Variants in PREPL observed in about 807,000 individuals in gnomAD.
The protein encoded by PREPL is prolyl endopeptidase like.
PREPL carries 77 observed loss-of-function variants against 70.6 expected under a neutral mutation model. That is an observed-to-expected ratio of 1.09 (90% confidence interval 0.91 to 1.32). The LOEUF (loss-of-function observed/expected upper bound fraction) is 1.32, where lower values mean the gene tolerates loss of function less well. PREPL is among the 40% of genes most tolerant of loss of function. PREPL has a pLI of 0.00. For missense variants in PREPL, 1,002 were observed against 778.2 expected (o/e 1.29, Z -3.42); for synonymous variants, 315 against 264.8 (o/e 1.19, Z -1.84).
In PREPL at chr2:44,326,708, T is replaced by G; in HGVS notation, c.1479+4A>C. 6.2e-7 allele frequency: 1 copy of G among 1,610,568 alleles called. No individual in the cohort carries two copies. The highest frequency in any genetic ancestry group is 8.5e-7 in the Non-Finnish European group (1 of 1,177,354). On this transcript the variant is annotated splice_donor_region_variant and intron_variant, in intron 10 of 13. Coordinates refer to ENST00000409411, the MANE Select transcript of PREPL (RefSeq NM_001171613.2). ...TATAAACAGTAGAGACAGAGCGTACTCACCTCCAAAGTCACCGCTCTCACC... is the reference window on the plus strand; with the variant it reads ...TATAAACAGTAGAGACAGAGCGTACGCACCTCCAAAGTCACCGCTCTCACC...
At chr2:44,358,965 A>C (rs1677350997) in intron 1 of PREPL, among the ~76,000 whole-genome samples, 2 of 152,192 alleles carry the variant, frequency 1.3e-5, no homozygotes, top group South Asian at 4.1e-4. Flanking sequence ...TTATACTTTG[A>C]AATGCACTGG....
chr2:44,321,351 G>T lies in PREPL; in HGVS notation c.*5C>A. 6.3e-7 allele frequency: 1 copy of T among 1,593,804 alleles called. No homozygotes were observed. Among genetic ancestry groups the T allele is most frequent in the South Asian group, 1.1e-5 (1 of 90,360 alleles). ...TGTTTCCAATTCCCAGTTGAATGCA[G>T]TGTTTCAGAATTTCAGGTATTTCTT... On this transcript the variant is annotated 3_prime_UTR_variant, in exon 14 of 14. Coordinates refer to ENST00000409411, the MANE Select transcript of PREPL (RefSeq NM_001171613.2).
At chr2:44,334,404 A>G (rs1382245953) in intron 7 of PREPL, among the ~76,000 whole-genome samples, 1 of 152,224 alleles carries the variant, frequency 6.6e-6, no homozygotes, top group Non-Finnish European at 1.5e-5. Context: ...CATACAGCAA[A>G]AAACGTCCCA....
At chr2:44,332,845 T>A (rs973966165) in intron 7 of PREPL, among the ~76,000 whole-genome samples, 189 bp from the exon 8 acceptor site, 2 of 152,204 alleles carry the variant, frequency 1.3e-5, no homozygotes, top group Non-Finnish European at 2.9e-5. Context: ...AACTGTACAT[T>A]AATGACCAAT....
intron 12 of PREPL, 125 bp downstream of exon 12, chr2:44,322,606 A>C (rs1673086231): frequency 2.9e-5 from 38 of 1,306,458 alleles, no homozygotes; most frequent in Non-Finnish European, 3.8e-5. Flanking sequence ...AACATAGCAA[A>C]ATAATTGTTT....
chr2:44,341,124 C>T (rs1675176710), intron 5 of PREPL, among the ~76,000 whole-genome samples: 1 of 152,060 alleles, frequency 6.6e-6, no homozygotes, highest in African/African-American at 2.4e-5. Context: ...AATATTCCAA[C>T]CAAGCTGACT....
chr2:44,319,953 T>C lies in PREPL; in HGVS notation c.*1403A>G, dbSNP rs558017646. 3 of 483,670 alleles carry C rather than the reference T, an allele frequency of 6.2e-6. No homozygotes were observed. The highest frequency in any genetic ancestry group is 3.9e-5 in the African/African-American group (2 of 51,410). The allele number at this position is 483,670 out of a possible 1,614,324, so 30.0% of individuals were successfully genotyped here. A position where few individuals can be genotyped will look rare whatever the true frequency, so the allele number is the denominator to read the frequency against. On this transcript the variant is annotated 3_prime_UTR_variant, in exon 14 of 14. Transcript: ENST00000409411. Reference sequence around the variant, plus strand: ...TCAAATTTGATCTCTACAGAAACTCTACAATGTAGCAGAGCACTGTGCGTA... The same window carrying C: ...TCAAATTTGATCTCTACAGAAACTCCACAATGTAGCAGAGCACTGTGCGTA...
In PREPL at chr2:44,346,488, G is replaced by C. The variant is rs571533584; in HGVS notation, c.-48-98C>G. ...AGGTCTATACCGTAGACTTAACGTT[G>C]TACAAAAAAGAAATAAGATTAAATA... On this transcript the variant is annotated intron_variant, in intron 1 of 13. Coordinates refer to ENST00000409411, the MANE Select transcript of PREPL (RefSeq NM_001171613.2). 4.7e-5 allele frequency: 48 copies of C among 1,031,808 alleles called. No individual in the cohort carries two copies. In the East Asian group the frequency reaches 1.1e-3, roughly 23 times the overall value. The allele number at this position is 1,031,808 out of a possible 1,614,324, so 63.9% of individuals were successfully genotyped here.
In PREPL at chr2:44,343,876, C is replaced by G. The variant is rs201342099; in HGVS notation, c.218G>C (p.Arg73Thr). Residue 73 changes from arginine (R) to threonine (T), a missense_variant, in exon 4 of 14, where the codon AGA (arginine) becomes ACA (threonine). Physicochemically the swap from Arg to Thr is moderately conservative, Grantham distance 71. Transcript: ENST00000409411. ...CACATATTTTTCATCTGGAGCAACT[C>G]TGATACAATCAATGAAGGGCTGGTC... is the stretch of plus-strand genomic sequence containing the variant. Reference protein sequence around the residue: ...KLDQPFIDCIRVAPDEKYVAA... With the variant: ...KLDQPFIDCITVAPDEKYVAA... 8 of 1,614,050 alleles carry G rather than the reference C, an allele frequency of 5.0e-6. No homozygotes were observed. The East Asian group carries it at 8.9e-5, about 18-fold the overall frequency.
chr2:44,320,165 A>G lies in PREPL; in HGVS notation c.*1191T>C. The G allele has an allele frequency of 6.5e-7, 1 of 1,527,476 alleles. No individual in the cohort carries two copies. The highest frequency in any genetic ancestry group is 1.1e-5 in the South Asian group (1 of 87,804). 94.6% of individuals were successfully genotyped at this position (1,527,476 alleles called of 1,614,324 possible). ...ATACTTACAAACAATTCTTAGAATC[A>G]AACACTTACGTAAATACTTTTTTAA... is the stretch of plus-strand genomic sequence containing the variant. On this transcript the variant is annotated 3_prime_UTR_variant, in exon 14 of 14. Coordinates refer to ENST00000409411, the MANE Select transcript of PREPL (RefSeq NM_001171613.2).
At position 44,332,567 on chromosome 2, in the gene PREPL, TG is replaced by T; in HGVS notation, c.977del (p.Pro326GlnfsTer32). 6.2e-7 allele frequency: 1 copy of T among 1,613,892 alleles called. No homozygotes were observed. Among genetic ancestry groups the T allele is most frequent in the Non-Finnish European group, 8.5e-7 (1 of 1,179,748 alleles). ...CTGCAAACTTGTATGTGTAATATTT[TG>T]GGGGACGTATTGGAGAGCAAAGTTG... ...PFQLCSPIRP[P>X]KYYTYKFAEG... On this transcript the variant is annotated frameshift_variant, in exon 8 of 14. Transcript: ENST00000409411. LOFTEE classifies it high-confidence loss of function.
intron 1 of PREPL, among the ~76,000 whole-genome samples, chr2:44,354,787 G>A (rs1348932339): frequency 6.6e-6 from 1 of 152,190 alleles, no homozygotes; most frequent in Non-Finnish European, 1.5e-5. Context: ...ATGTTGGTCA[G>A]GCTGGTCTTG....
At position 44,320,121 on chromosome 2, in the gene PREPL, T is replaced by A; in HGVS notation, c.*1235A>T. On this transcript the variant is annotated 3_prime_UTR_variant, in exon 14 of 14. Transcript: ENST00000409411. Reference sequence around the variant, plus strand: ...GGAGCAAGTGTTTTGGGTAAATAACTCCTTACAATATATTAAAAATACTTA... The same window carrying A: ...GGAGCAAGTGTTTTGGGTAAATAACACCTTACAATATATTAAAAATACTTA... 2 of 1,294,716 alleles carry A rather than the reference T, an allele frequency of 1.5e-6. No individual in the cohort carries two copies. Among genetic ancestry groups the A allele is most frequent in the South Asian group, 1.3e-5 (1 of 74,438 alleles). 80.2% of individuals were successfully genotyped at this position (1,294,716 alleles called of 1,614,324 possible).
At chr2:44,346,413 C>A in intron 1 of PREPL, 23 bp from the exon 2 acceptor site, 3 of 1,604,392 alleles carry the variant, frequency 1.9e-6, no homozygotes, top group South Asian at 2.2e-5. Flanking sequence ...TTGTTATGAT[C>A]AAAATATTTC....
chr2:44,342,410 C>A lies in PREPL; in HGVS notation c.485+7G>T, dbSNP rs768487050. On this transcript the variant is annotated splice_region_variant and intron_variant, in intron 5 of 13. Coordinates refer to ENST00000409411, the MANE Select transcript of PREPL (RefSeq NM_001171613.2). ...GAGAGAAAGATTTAATTATATTATT[C>A]TAGTACCTTGGGTCTTTTTCTGTGT... 1.2e-6 allele frequency: 2 copies of A among 1,606,814 alleles called. No individual in the cohort carries two copies. Among genetic ancestry groups the A allele is most frequent in the South Asian group, 2.2e-5 (2 of 90,314 alleles).
At chr2:44,349,531 T>TA (rs1676181083) in intron 1 of PREPL, among the ~76,000 whole-genome samples, 1 of 150,780 alleles carries the variant, frequency 6.6e-6, no homozygotes, top group African/African-American at 2.4e-5. Flanking sequence ...AGAAAAAGAG[T>TA]AAGTCTTAAG....
At position 44,326,873 on chromosome 2, in the gene PREPL, G is replaced by A. The variant is rs1481037304; in HGVS notation, c.1318C>T (p.Leu440Phe). 1 of 1,614,146 alleles carries A rather than the reference G, an allele frequency of 6.2e-7. No homozygotes were observed. Among genetic ancestry groups the A allele is most frequent in the African/African-American group, 1.3e-5 (1 of 75,020 alleles). Reference protein sequence around the residue: ...WHADGRLTKKLNGLADLEACI... With the variant: ...WHADGRLTKKFNGLADLEACI... ...GCCTCTAAATCAGCAAGGCCATTGA[G>A]TTTTTTAGTTAGGCGGCCATCAGCG... Residue 440 changes from leucine (L) to phenylalanine (F), a missense_variant, in exon 10 of 14, where the codon CTC becomes TTC. Coordinates refer to ENST00000409411, the MANE Select transcript of PREPL (RefSeq NM_001171613.2).
chr2:44,322,942 T>C (rs1673126691), intron 11 of PREPL, 88 bp from the exon 12 acceptor site: 1 of 1,510,016 alleles, frequency 6.6e-7, no homozygotes, highest in South Asian at 1.3e-5. Context: ...TTACCTCCAA[T>C]TTTTCCCTGT....
rs371661697 is a variant in PREPL at position 44,321,342 on chromosome 2, T to G, written c.*14A>C. On this transcript the variant is annotated 3_prime_UTR_variant, in exon 14 of 14. Coordinates refer to ENST00000409411, the MANE Select transcript of PREPL (RefSeq NM_001171613.2). ...ATTTCAGTGTGTTTCCAATTCCCAGTTGAATGCAGTGTTTCAGAATTTCAG... is the reference window on the plus strand; with the variant it reads ...ATTTCAGTGTGTTTCCAATTCCCAGGTGAATGCAGTGTTTCAGAATTTCAG... 12 of 1,580,064 alleles carry G rather than the reference T, an allele frequency of 7.6e-6. No homozygotes were observed. The highest frequency in any genetic ancestry group is 1.0e-5 in the Non-Finnish European group (12 of 1,150,344).
Sources: allele counts gnomAD v4.1 joint callset (sites outside exome capture counted in the v4.1 genomes callset), GRCh38; gene constraint gnomAD v4.1.1; transcripts MANE v1.5; gene names NCBI Gene and HGNC (gene_info 2026-07-23, HGNC 2026-07-21).